The following HSH2D variants were observed in gnomAD, a reference collection of about 807,000 sequenced individuals.
HSH2D encodes hematopoietic SH2 domain containing, also known as hematopoietic SH2 domain-containing protein.
In HSH2D, 16 loss-of-function variants were observed where a neutral mutation model predicts 21.5. The observed-to-expected ratio is 0.74, with a 90% CI of 0.50 to 1.13. HSH2D has a LOEUF of 1.13. HSH2D is among the 50% of genes most tolerant of loss of function. The pLI is 0.00. For missense variants in HSH2D, 418 were observed against 441.4 expected (o/e 0.95, Z 0.47); for synonymous variants, 172 against 184.7 (o/e 0.93, Z 0.56).
chr19:16,151,718 G>A (rs966435954), intron 2 of HSH2D: 13 of 351,832 alleles, frequency 3.7e-5, no homozygotes, highest in Admixed American at 3.5e-4. Flanking sequence ...CTAGCTCCTC[G>A]GGGGGAACAT....
intron 1 of HSH2D, among the ~76,000 whole-genome samples, chr19:16,147,801 G>A (rs2145036011): frequency 6.6e-6 from 1 of 151,722 alleles, no homozygotes; most frequent in African/African-American, 2.4e-5. Context: ...ACAGGCCGCT[G>A]TGCCCAGCTC....
Position 16,153,200 on chromosome 19 carries a change from T to G in HSH2D, c.373T>G (p.Cys125Gly). 2 of 1,539,340 alleles carry G rather than the reference T, an allele frequency of 1.3e-6. No homozygotes were observed. The highest frequency in any genetic ancestry group is 1.7e-6 in the Non-Finnish European group (2 of 1,143,824). ...GCGCAGGGAGCTGCTGACACAGCCC[T>G]GCAGGCAGGTGAGGGCGGGGACCCA... is the stretch of plus-strand genomic sequence containing the variant. ...EPRRELLTQP[C>G]RQKDPANVDY... The change falls in exon 4 of 6, where the codon TGC becomes GGC. Residue 125 changes from cysteine to glycine, a missense_variant. Coordinates refer to ENST00000613986, the MANE Select transcript of HSH2D (RefSeq NM_001382417.1).
chr19:16,135,811 C>A (rs1195513373), intron 1 of HSH2D, among the ~76,000 whole-genome samples: 2 of 152,098 alleles, frequency 1.3e-5, no homozygotes, highest in Admixed American at 6.6e-5. Flanking sequence ...TTTTCATTGC[C>A]AACCCTGTCC....
intron 1 of HSH2D, among the ~76,000 whole-genome samples, chr19:16,136,879 T>G (rs1449445825): frequency 6.6e-6 from 1 of 152,238 alleles, no homozygotes; most frequent in East Asian, 1.9e-4. Context: ...TCACGCCTTA[T>G]GTAAATCAAA....
At chr19:16,138,879 GAC>G (rs2090981293), upstream of HSH2D, among the ~76,000 whole-genome samples, 1 of 150,166 alleles carries the variant, frequency 6.7e-6, no homozygotes, top group African/African-American at 2.5e-5. Flanking sequence ...TTTTTTTTGA[GAC>G]ACAGTCTCAC....
upstream of HSH2D, among the ~76,000 whole-genome samples, chr19:16,142,620 C>T (rs1259738005): frequency 1.3e-5 from 2 of 152,096 alleles, no homozygotes; most frequent in East Asian, 1.9e-4. Flanking sequence ...TGTGTCACCA[C>T]GCCGGGCTAA....
Position 16,149,861 on chromosome 19 carries a change from A to T in HSH2D, c.125+986A>T, listed in dbSNP as rs181648417. ...CTCCCAAAGTGCTGGGATTACAGGC[A>T]TGAGCCACCGTGCCTGGCCCCAATG... On this transcript the variant is annotated intron_variant, in intron 2 of 5. Transcript: ENST00000613986. 3.2e-3 allele frequency among the ~76,000 whole-genome samples: 480 copies of T among 151,732 alleles called. 3 individuals are homozygous for T. The highest frequency in any genetic ancestry group is 0.01 in the Middle Eastern group (3 of 292).
chr19:16,137,067 C>G (rs2090968874), intron 1 of HSH2D, among the ~76,000 whole-genome samples: 1 of 152,170 alleles, frequency 6.6e-6, no homozygotes, highest in Admixed American at 6.5e-5. Context: ...CATGAGATGA[C>G]AAATCTCGGG....
At chr19:16,140,423 G>T (rs2090992134), upstream of HSH2D, among the ~76,000 whole-genome samples, 1 of 152,076 alleles carries the variant, frequency 6.6e-6, no homozygotes, top group Non-Finnish European at 1.5e-5. Flanking sequence ...TGGCCAACAT[G>T]GTGAAACCCT....
chr19:16,149,721 C>T (rs1190421515), intron 2 of HSH2D, among the ~76,000 whole-genome samples: 1 of 151,656 alleles, frequency 6.6e-6, no homozygotes, highest in Non-Finnish European at 1.5e-5. Flanking sequence ...GCTGGGACTA[C>T]AGGCATGCAC....
At chr19:16,141,037 T>A (rs1487536176), upstream of HSH2D, among the ~76,000 whole-genome samples, 1 of 151,836 alleles carries the variant, frequency 6.6e-6, no homozygotes, top group Non-Finnish European at 1.5e-5. Flanking sequence ...CAACAAAGAG[T>A]CCTGATTCTC....
At chr19:16,147,657 T>C (rs2091091596) in intron 1 of HSH2D, among the ~76,000 whole-genome samples, 1 of 151,804 alleles carries the variant, frequency 6.6e-6, no homozygotes, top group East Asian at 1.9e-4. Flanking sequence ...TTGTTTTGTT[T>C]TGTTTTGAGA....
chr19:16,147,190 T>A (rs1027814635), intron 1 of HSH2D, among the ~76,000 whole-genome samples: 2 of 151,942 alleles, frequency 1.3e-5, no homozygotes, highest in African/African-American at 4.8e-5. Context: ...GTCCTTGCAA[T>A]AATGGCATAA....
rs189142909 is a variant in HSH2D at position 16,137,426 on chromosome 19, G to T, written c.-324+3191G>T. Among the ~76,000 whole-genome samples the T allele has an allele frequency of 2.9e-3, 447 of 152,068 alleles. 1 individual carries two copies. The highest frequency in any genetic ancestry group is 0.01 in the African/African-American group (432 of 41,506). On this transcript the variant is annotated intron_variant, in intron 1 of 7. Coordinates refer to the HSH2D transcript ENST00000616645. ...GTGGATCACTTGAGGTCAGGAGTTC[G>T]AGACCAGCCTGGCCAATATGGTGAA...
At chr19:16,147,105 C>G (rs889003677) in intron 1 of HSH2D, among the ~76,000 whole-genome samples, 2 of 152,088 alleles carry the variant, frequency 1.3e-5, no homozygotes, top group Non-Finnish European at 2.9e-5. Flanking sequence ...GGATTACAGG[C>G]GTGAACCACC....
chr19:16,141,705 C>T (rs1285754751), upstream of HSH2D, among the ~76,000 whole-genome samples: 2 of 152,062 alleles, frequency 1.3e-5, no homozygotes, highest in Non-Finnish European at 2.9e-5. Context: ...GGGTGGATCA[C>T]CTGAGGTCAG....
At chr19:16,140,584 G>A (rs1001824029), upstream of HSH2D, among the ~76,000 whole-genome samples, 27 of 151,598 alleles carry the variant, frequency 1.8e-4, no homozygotes, top group African/African-American at 2.4e-4. Flanking sequence ...CAGCCGGGGC[G>A]ATAGAACAAG....
chr19:16,141,288 G>A (rs10414442), upstream of HSH2D, among the ~76,000 whole-genome samples: 350 of 152,348 alleles, frequency 2.3e-3, no homozygotes, highest in African/African-American at 8.1e-3. Context: ...GAGGAGCAGG[G>A]GGGTGAGAGA....
intron 1 of HSH2D, among the ~76,000 whole-genome samples, chr19:16,145,393 A>G (rs1234070093): frequency 6.6e-6 from 1 of 151,580 alleles, no homozygotes; most frequent in East Asian, 1.9e-4. Context: ...TTGTCTTTTT[A>G]TTAGAGATGG....
Sources: allele counts gnomAD v4.1 joint callset (sites outside exome capture counted in the v4.1 genomes callset), GRCh38; gene constraint gnomAD v4.1.1; transcripts MANE v1.5; gene names NCBI Gene and HGNC (gene_info 2026-07-23, HGNC 2026-07-21).